LRPAP1: variants seen among roughly 807,000 people sequenced by gnomAD.
The protein encoded by LRPAP1 is alpha-2-macroglobulin receptor-associated protein.
LRPAP1 carries 41 observed loss-of-function variants against 39.9 expected under a neutral mutation model. The observed-to-expected ratio is 1.03, with a 90% CI of 0.80 to 1.33. The LOEUF (loss-of-function observed/expected upper bound fraction) is 1.33, where lower values mean the gene tolerates loss of function less well. LRPAP1 is among the 40% of genes most tolerant of loss of function. The pLI, the probability that LRPAP1 is intolerant of heterozygous loss-of-function variation, is 0.00. For synonymous variants in LRPAP1, 263 were observed against 212.7 expected (o/e 1.24, Z -2.06); for missense variants, 565 against 482.3 (o/e 1.17, Z -1.61).
Position 3,526,662 on chromosome 4 carries a change from C to T in LRPAP1, c.205-1611G>A, listed in dbSNP as rs537670551. On this transcript the variant is annotated intron_variant, in intron 1 of 7. Coordinates refer to ENST00000650182, the MANE Select transcript of LRPAP1 (RefSeq NM_002337.4). ...AGGGGCACACGTTTCTTTCAAGACT[C>T]GCACGAAGCCAATTCTGTGTGTTTG... Among the ~76,000 whole-genome samples, 29 of 152,332 alleles carry T rather than the reference C, an allele frequency of 1.9e-4. No homozygotes were observed. The East Asian group carries it at 2.1e-3, about 11-fold the overall frequency.
rs1729271104 is a variant in LRPAP1 at position 3,503,790 on chromosome 4, T to C, written c.*9184A>G. 6.6e-6 allele frequency: 1 copy of C among 152,244 alleles called. No homozygotes were observed. The highest frequency in any genetic ancestry group is 2.4e-5 in the African/African-American group (1 of 41,476). 9.4% of individuals were successfully genotyped at this position (152,244 alleles called of 1,614,324 possible). ...TCCAGCAATGACAGGCTAGGGTACC[T>C]AGATGAACCATCACACTGAAAACAC... On this transcript the variant is annotated 3_prime_UTR_variant, in exon 8 of 8. Coordinates refer to ENST00000650182, the MANE Select transcript of LRPAP1 (RefSeq NM_002337.4).
chr4:3,505,321 T>C lies in LRPAP1; in HGVS notation c.*7653A>G, dbSNP rs1729320588. 6.6e-6 allele frequency among the ~76,000 whole-genome samples: 1 copy of C among 152,072 alleles called. No homozygotes were observed. Among genetic ancestry groups the C allele is most frequent in the Non-Finnish European group, 1.5e-5 (1 of 67,984 alleles). On this transcript the variant is annotated 3_prime_UTR_variant, in exon 8 of 8. Coordinates refer to ENST00000650182, the MANE Select transcript of LRPAP1 (RefSeq NM_002337.4). ...TGGAGCCCAATGCAGGGTGACCCCT[T>C]CCCCCCAGCTCCAAATCCAGCATCC...
chr4:3,514,563 G>A (rs956874038), intron 7 of LRPAP1, among the ~76,000 whole-genome samples, 189 bp downstream of exon 7: 1 of 152,246 alleles, frequency 6.6e-6, no homozygotes, highest in Middle Eastern at 3.2e-3. Context: ...AGCCCGGGGG[G>A]CTCCCCTAGC....
chr4:3,522,836 C>T (rs984273168), intron 2 of LRPAP1, among the ~76,000 whole-genome samples: 56 of 152,108 alleles, frequency 3.7e-4, no homozygotes, highest in Non-Finnish European at 1.5e-4. Flanking sequence ...CAGAGTGGAG[C>T]GTGGCCCGTC....
At chr4:3,523,694 C>G (rs565858884) in intron 2 of LRPAP1, among the ~76,000 whole-genome samples, 2 of 152,226 alleles carry the variant, frequency 1.3e-5, no homozygotes, top group East Asian at 3.9e-4. Context: ...GAAGGAACTC[C>G]GTAGACACCT....
Position 3,520,270 on chromosome 4 carries a change from C to T in LRPAP1, c.350-77G>A, listed in dbSNP as rs16844530. 2,876 of 1,518,304 alleles carry T rather than the reference C, an allele frequency of 1.9e-3. 45 individuals carry two copies. In the African/African-American group the frequency reaches 0.034, roughly 18 times the overall value. The allele number at this position is 1,518,304 out of a possible 1,614,324, so 94.1% of individuals were successfully genotyped here. ...AAAAGCCAACACATCTGGGTTGCCA[C>T]GGTGGGTGAGACAGGTTTGCCTCTC... is the stretch of plus-strand genomic sequence containing the variant. On this transcript the variant is annotated intron_variant, in intron 2 of 7. Transcript: ENST00000650182.
intron 1 of LRPAP1, 113 bp from the exon 2 acceptor site, chr4:3,525,164 G>C: frequency 8.4e-7 from 1 of 1,191,026 alleles, no homozygotes; most frequent in Non-Finnish European, 1.2e-6. Flanking sequence ...ACCAGGAAGA[G>C]GTGGAGTCAG....
chr4:3,524,881 C>G, intron 2 of LRPAP1, 26 bp downstream of exon 2: 1 of 1,609,352 alleles, frequency 6.2e-7, no homozygotes, highest in Non-Finnish European at 8.5e-7. Context: ...GATACTCGAC[C>G]TGCATTAGGA....
Position 3,516,141 on chromosome 4 carries a change from G to T in LRPAP1, c.809C>A (p.Thr270Lys). Reference protein sequence around the residue: ...LWDLAQSANLTDKELEAFREE... With the variant: ...LWDLAQSANLKDKELEAFREE... ...CCGGAACGCCTCCAGCTCCTTGTCC[G>T]TGAGGTTGGCGGACTGCGCCAGGTC... The change falls in exon 6 of 8, where the codon ACG becomes AAG. Residue 270 changes from threonine to lysine, a missense_variant. Transcript: ENST00000650182. The T allele has an allele frequency of 6.3e-7, 1 of 1,581,616 alleles. No homozygotes were observed. Among genetic ancestry groups the T allele is most frequent in the Non-Finnish European group, 8.6e-7 (1 of 1,164,124 alleles).
At chr4:3,529,289 C>A (rs901135902) in intron 1 of LRPAP1, among the ~76,000 whole-genome samples, 1 of 152,054 alleles carries the variant, frequency 6.6e-6, no homozygotes, top group Non-Finnish European at 1.5e-5. Context: ...CGCCACTGCA[C>A]CCCAGCCTCG....
Position 3,505,969 on chromosome 4 carries a change from C to T in LRPAP1, c.*7005G>A, listed in dbSNP as rs772016845. ...GCTGCCCTTCATGTACTTCCAGCCCCGGAGGAGCTGAACCTAGAGATACCT... is the reference window on the plus strand; with the variant it reads ...GCTGCCCTTCATGTACTTCCAGCCCTGGAGGAGCTGAACCTAGAGATACCT... On this transcript the variant is annotated 3_prime_UTR_variant, in exon 8 of 8. Transcript: ENST00000650182. Among the ~76,000 whole-genome samples, 6 of 151,994 alleles carry T rather than the reference C, an allele frequency of 3.9e-5. No individual in the cohort carries two copies. Among genetic ancestry groups the T allele is most frequent in the South Asian group, 2.1e-4 (1 of 4,834 alleles).
chr4:3,514,015 C>T (rs906104189), intron 7 of LRPAP1, among the ~76,000 whole-genome samples: 5 of 152,220 alleles, frequency 3.3e-5, no homozygotes, highest in African/African-American at 7.2e-5. Context: ...GCTAGGTGCA[C>T]GCTAGCATTC....
Position 3,508,730 on chromosome 4 carries a change from G to A in LRPAP1, c.*4244C>T, listed in dbSNP as rs1260764195. ...CATCTCACTAGGTGCAGGAAAGGCA[G>A]CTGACCACATTCAACACGGATTCAG... On this transcript the variant is annotated 3_prime_UTR_variant, in exon 8 of 8. Transcript: ENST00000650182. 6.6e-6 allele frequency: 1 copy of A among 152,212 alleles called. No homozygotes were observed. Among genetic ancestry groups the A allele is most frequent in the Non-Finnish European group, 1.5e-5 (1 of 68,040 alleles). 9.4% of individuals were successfully genotyped at this position (152,212 alleles called of 1,614,324 possible).
In LRPAP1 at chr4:3,523,923, T is replaced by TG. The variant is rs370423696; in HGVS notation, c.349+983dup. 3.4e-3 allele frequency among the ~76,000 whole-genome samples: 409 copies of TG among 120,986 alleles called. 2 individuals carry two copies. Among genetic ancestry groups the TG allele is most frequent in the African/African-American group, 0.011 (349 of 32,372 alleles). 79.4% of individuals were successfully genotyped at this position (120,986 alleles called of 152,430 possible). On this transcript the variant is annotated intron_variant, in intron 2 of 7. Transcript: ENST00000650182. ...GTGAGACAGGAGGAGGAAACGGAGG[T>TG]GGGGGGCAGGGGACTGTGCCGGGGG...
rs1426060284 is a variant in LRPAP1, at chr4:3,509,805, G to A, written c.*3169C>T. The A allele has an allele frequency of 2.3e-5, 3 of 128,570 alleles. No homozygotes were observed. The highest frequency in any genetic ancestry group is 4.8e-4 in the East Asian group (2 of 4,150). The allele number at this position is 128,570 out of a possible 1,614,324, so 8.0% of individuals were successfully genotyped here. ...GAGACGCCGACTGGAGTCACACACG[G>A]CAGTCAACGCGTGGACACTGGAGAC... is the stretch of plus-strand genomic sequence containing the variant. On this transcript the variant is annotated 3_prime_UTR_variant, in exon 8 of 8. Coordinates refer to ENST00000650182, the MANE Select transcript of LRPAP1 (RefSeq NM_002337.4).
intron 1 of LRPAP1, among the ~76,000 whole-genome samples, chr4:3,525,394 A>G (rs1378410236): frequency 6.6e-6 from 1 of 152,184 alleles, no homozygotes; most frequent in Non-Finnish European, 1.5e-5. Flanking sequence ...CAGGAAGAAG[A>G]TACCCACTGC....
At position 3,509,996 on chromosome 4, in the gene LRPAP1, A is replaced by G. The variant is rs1171181560; in HGVS notation, c.*2978T>C. ...ATTCCAGAAGGCATGTTTTTTTGGT[A>G]GAAATTGAGACACTGATTGTAAAAC... On this transcript the variant is annotated 3_prime_UTR_variant, in exon 8 of 8. Coordinates refer to ENST00000650182, the MANE Select transcript of LRPAP1 (RefSeq NM_002337.4). The G allele has an allele frequency of 1.3e-5, 2 of 152,222 alleles. No individual in the cohort carries two copies. The highest frequency in any genetic ancestry group is 4.8e-5 in the African/African-American group (2 of 41,452). 9.4% of individuals were successfully genotyped at this position (152,222 alleles called of 1,614,324 possible).
intron 1 of LRPAP1, chr4:3,531,984 T>C (rs1398144745): frequency 1.0e-5 from 6 of 587,482 alleles, no homozygotes; most frequent in African/African-American, 2.0e-5. Flanking sequence ...GGCCGCCACC[T>C]GCTTCACACG....
rs1055210354 is a variant in LRPAP1, at chr4:3,508,242, G to A, written c.*4732C>T. On this transcript the variant is annotated 3_prime_UTR_variant, in exon 8 of 8. Transcript: ENST00000650182. ...GTTGGTCTCAAACTCCTGACCTCAG[G>A]TGATCCATCCACGTTGGCCTCCCAA... 1 of 152,228 alleles carries A rather than the reference G, an allele frequency of 6.6e-6. No homozygotes were observed. The highest frequency in any genetic ancestry group is 2.4e-5 in the African/African-American group (1 of 41,458). 9.4% of individuals were successfully genotyped at this position (152,228 alleles called of 1,614,324 possible).
Sources: gnomAD v4.1 joint callset for allele counts (sites outside exome capture counted in the v4.1 genomes callset) on GRCh38, gnomAD v4.1.1 for gene constraint, MANE v1.5 for transcripts, NCBI Gene and HGNC (gene_info 2026-07-23, HGNC 2026-07-21) for gene names.